The following KDM2A variants were observed in gnomAD, a reference collection of about 807,000 sequenced individuals.
KDM2A encodes lysine-specific demethylase 2A.
KDM2A carries 3 observed loss-of-function variants against 137.3 expected under a neutral mutation model. That is an observed-to-expected ratio of 0.02 (90% confidence interval 0.01 to 0.06). The LOEUF (loss-of-function observed/expected upper bound fraction) is 0.06, where lower values mean the gene tolerates loss of function less well. Among genes scored for constraint, KDM2A ranks in the 10% least tolerant of loss-of-function variants. The pLI, the probability that KDM2A is intolerant of heterozygous loss-of-function variation, is 1.00. For synonymous variants in KDM2A, 512 were observed against 541.5 expected, an observed-to-expected ratio of 0.95 and a Z score of 0.76; for missense variants, 738 against 1,510.6, an observed-to-expected ratio of 0.49 and a Z score of 8.48.
chr11:67,170,009 G>T (rs1476609533), intron 2 of KDM2A, among the ~76,000 whole-genome samples: 1 of 151,942 alleles, frequency 6.6e-6, no homozygotes, highest in Non-Finnish European at 1.5e-5. Flanking sequence ...GCCCACCTCG[G>T]CCTCCCAGAG....
At chr11:67,127,596 T>C (rs1855759214) in intron 2 of KDM2A, among the ~76,000 whole-genome samples, 3 of 152,334 alleles carry the variant, frequency 2.0e-5, no homozygotes, top group Admixed American at 2.0e-4. Flanking sequence ...TACAAGGAAC[T>C]GCGGCCACTG....
intron 2 of KDM2A, among the ~76,000 whole-genome samples, chr11:67,158,066 A>G (rs1307367074): frequency 6.6e-6 from 1 of 152,158 alleles, no homozygotes; most frequent in Non-Finnish European, 1.5e-5. Flanking sequence ...GAATAGTTTC[A>G]CTGCCTTAAA....
Position 67,245,544 on chromosome 11 carries a change from C to A in KDM2A, c.1833+86C>A. ...TACATATAGTGTAGAGTTAAAGAGA[C>A]TTCAGAGTTGGAAAGAAAAGGTTTA... On this transcript the variant is annotated intron_variant, in intron 14 of 20. Coordinates refer to ENST00000529006, the MANE Select transcript of KDM2A (RefSeq NM_012308.3). This position sits in a 1 kb window ranked among gnomAD's most constrained non-coding sequence, Gnocchi z 4.1. 1.4e-6 allele frequency: 2 copies of A among 1,438,274 alleles called. No individual in the cohort carries two copies. Among genetic ancestry groups the A allele is most frequent in the Non-Finnish European group, 1.9e-6 (2 of 1,051,482 alleles). 89.1% of individuals were successfully genotyped at this position (1,438,274 alleles called of 1,614,324 possible).
intron 11 of KDM2A, among the ~76,000 whole-genome samples, chr11:67,229,931 C>G (rs986197238): frequency 9.9e-5 from 15 of 151,506 alleles, no homozygotes; most frequent in African/African-American, 3.4e-4. Flanking sequence ...AATCCCAGCA[C>G]TTTGGGAGGC....
At chr11:67,224,058 A>G (rs1858453220) in intron 10 of KDM2A, among the ~76,000 whole-genome samples, 2 of 152,176 alleles carry the variant, frequency 1.3e-5, no homozygotes, top group African/African-American at 4.8e-5. Flanking sequence ...TGAAAAGTAC[A>G]TCTCCTCTCC....
At chr11:67,239,282 C>CTCAGTTGTT (rs1393759296) in intron 12 of KDM2A, among the ~76,000 whole-genome samples, 1 of 152,086 alleles carries the variant, frequency 6.6e-6, no homozygotes. Context: ...TGTGTTGTGC[C>CTCAGTTGTT]TCAGTTGTTT....
chr11:67,257,942 A>AC lies in KDM2A; in HGVS notation c.*2887_*2888insC, dbSNP rs1859664324. 1 of 152,188 alleles carries AC rather than the reference A, an allele frequency of 6.6e-6. No individual in the cohort carries two copies. The highest frequency in any genetic ancestry group is 6.5e-5 in the Admixed American group (1 of 15,280). The allele number at this position is 152,188 out of a possible 1,614,324, so 9.4% of individuals were successfully genotyped here. A position where few individuals can be genotyped will look rare whatever the true frequency, so the allele number is the denominator to read the frequency against. ...GGACATCTTTCCTCTGACACGTGGGAATGGGTGATATTTGTGTAATAAAAT... is the reference window on the plus strand; with the variant it reads ...GGACATCTTTCCTCTGACACGTGGGACATGGGTGATATTTGTGTAATAAAAT... On this transcript the variant is annotated 3_prime_UTR_variant, in exon 21 of 21. Transcript: ENST00000529006.
intron 2 of KDM2A, among the ~76,000 whole-genome samples, chr11:67,154,605 C>G (rs12224613): frequency 1.4e-5 from 2 of 143,968 alleles, no homozygotes; most frequent in Admixed American, 1.4e-4. Flanking sequence ...CTAATTTTTT[C>G]TTTTTTTTTT....
intron 10 of KDM2A, among the ~76,000 whole-genome samples, chr11:67,220,898 G>A (rs557001410): frequency 1.3e-5 from 2 of 151,674 alleles, no homozygotes; most frequent in South Asian, 4.2e-4. Flanking sequence ...ATTAAAAAAT[G>A]TAAAAAACGA....
At chr11:67,214,998 C>T (rs1858115935) in intron 6 of KDM2A, among the ~76,000 whole-genome samples, 1 of 151,952 alleles carries the variant, frequency 6.6e-6, no homozygotes, top group African/African-American at 2.4e-5. Context: ...CCAGACAACA[C>T]CTTTTATTGG....
rs182772018 is a variant in KDM2A at position 67,152,119 on chromosome 11, C to T, written c.43-27960C>T. Among the ~76,000 whole-genome samples the T allele has an allele frequency of 1.9e-4, 28 of 151,346 alleles. No individual in the cohort carries two copies. In the East Asian group the frequency reaches 2.8e-3, roughly 15 times the overall value. ...CACTTGAGCCCAGGAGTTGAAGAAC[C>T]GCCTGGTCAACATAGTGAAACCCTG... On this transcript the variant is annotated intron_variant, in intron 2 of 20. Transcript: ENST00000529006.
At position 67,250,733 on chromosome 11, in the gene KDM2A, C is replaced by T; in HGVS notation, c.2703C>T (p.Val901=). 6.4e-7 allele frequency: 1 copy of T among 1,558,192 alleles called. No individual in the cohort carries two copies. Among genetic ancestry groups the T allele is most frequent in the Non-Finnish European group, 8.7e-7 (1 of 1,151,328 alleles). Residue 901 remains valine (V), a synonymous_variant, in exon 17 of 21, where the codon GTC becomes GTT. Transcript: ENST00000529006. This position sits in a 1 kb window ranked among gnomAD's most constrained non-coding sequence, Gnocchi z 7.1. ...SWMQREVWMS[V]FRYLSRRELC... is the part of the protein sequence containing the mutation. The stretch of plus-strand genomic sequence containing the variant: ...TGCAGCGGGAGGTCTGGATGTCTGT[C>T]TTCCGCTACCTCAGCCGCAGAGAAC...
chr11:67,215,771 A>G lies in KDM2A; in HGVS notation c.594-85A>G, dbSNP rs1055827077. ...AGATTAAGTGGAAGATAAAGGGAGT[A>G]TATAAGAGGAGAGTATGGCATTTTG... On this transcript the variant is annotated intron_variant, in intron 7 of 20. Coordinates refer to ENST00000529006, the MANE Select transcript of KDM2A (RefSeq NM_012308.3). 1.8e-5 allele frequency: 17 copies of G among 923,184 alleles called. No individual in the cohort carries two copies. In the African/African-American group the frequency reaches 2.4e-4, roughly 13 times the overall value. The allele number at this position is 923,184 out of a possible 1,614,324, so 57.2% of individuals were successfully genotyped here.
intron 2 of KDM2A, among the ~76,000 whole-genome samples, chr11:67,172,893 C>CT (rs1038718259): frequency 1.6e-4 from 25 of 151,646 alleles, no homozygotes; most frequent in Middle Eastern, 3.4e-3. Flanking sequence ...ATGTTTTTCT[C>CT]TTTTTTTTAT....
chr11:67,138,123 G>T (rs577553689), intron 2 of KDM2A, among the ~76,000 whole-genome samples: 17 of 152,068 alleles, frequency 1.1e-4, no homozygotes, highest in Non-Finnish European at 2.5e-4. Flanking sequence ...TAGGACCACC[G>T]TCACATATAC....
At chr11:67,174,675 C>T (rs774258549) in intron 2 of KDM2A, among the ~76,000 whole-genome samples, 3 of 152,002 alleles carry the variant, frequency 2.0e-5, no homozygotes, top group Admixed American at 6.6e-5. Context: ...TAGTTAATTA[C>T]GACTAAACTG....
chr11:67,221,751 T>C (rs935128087), intron 10 of KDM2A, among the ~76,000 whole-genome samples: 1 of 152,172 alleles, frequency 6.6e-6, no homozygotes, highest in African/African-American at 2.4e-5. Context: ...GGGAGGATTA[T>C]GTGAAGCAAG....
At chr11:67,227,956 G>A in intron 10 of KDM2A, 81 bp from the exon 11 acceptor site, 1 of 1,427,666 alleles carries the variant, frequency 7.0e-7, no homozygotes, top group Non-Finnish European at 9.8e-7. Context: ...TATTTCCTGG[G>A]TTAATGATTA....
chr11:67,209,548 A>G (rs1473343813), intron 6 of KDM2A, among the ~76,000 whole-genome samples: 1 of 151,808 alleles, frequency 6.6e-6, no homozygotes, highest in Non-Finnish European at 1.5e-5. Flanking sequence ...GGTTCAAGCA[A>G]TTCTCCCACC....
Sources: allele counts gnomAD v4.1 joint callset (sites outside exome capture counted in the v4.1 genomes callset), GRCh38; gene constraint gnomAD v4.1.1; non-coding constraint Gnocchi (gnomAD v3.1); transcripts MANE v1.5; gene names NCBI Gene and HGNC (gene_info 2026-07-23, HGNC 2026-07-21).